RFTN2: variants seen among roughly 807,000 people sequenced by gnomAD.
The protein encoded by RFTN2 is raftlin-2.
RFTN2 carries 34 observed loss-of-function variants against 52.7 expected under a neutral mutation model. That is an observed-to-expected ratio of 0.64 (90% CI 0.49 to 0.86). The LOEUF is 0.86. RFTN2 is among the 40% of genes least tolerant of loss of function. The probability of loss-of-function intolerance (pLI) is 0.00; values close to 1 mark genes in which losing one functional copy is unlikely to be tolerated. For synonymous variants in RFTN2, 203 were observed against 217.7 expected, an observed-to-expected ratio of 0.93 and a Z score of 0.59; for missense variants, 536 against 600.1, an observed-to-expected ratio of 0.89 and a Z score of 1.12.
At chr2:197,630,280 AC>A (rs2088447066) in intron 5 of RFTN2, among the ~76,000 whole-genome samples, 1 of 152,008 alleles carries the variant, frequency 6.6e-6, no homozygotes, top group South Asian at 2.1e-4. Context: ...CTTTCCTCTA[AC>A]CTCATAGATT....
intron 1 of RFTN2, among the ~76,000 whole-genome samples, chr2:197,665,198 G>A (rs897547437): frequency 6.6e-5 from 10 of 152,090 alleles, no homozygotes; most frequent in African/African-American, 2.4e-4. Flanking sequence ...TGGTGGTGGG[G>A]GGAGCAGTGA....
At chr2:197,591,825 C>T (rs185423164) in intron 8 of RFTN2, among the ~76,000 whole-genome samples, 74 of 152,038 alleles carry the variant, frequency 4.9e-4, no homozygotes, top group African/African-American at 1.6e-3. Context: ...TGGGGCCAGC[C>T]GGCCGCTCTG....
intron 7 of RFTN2, among the ~76,000 whole-genome samples, chr2:197,599,544 T>C (rs1221561547): frequency 6.6e-6 from 1 of 151,668 alleles, no homozygotes; most frequent in Non-Finnish European, 1.5e-5. Context: ...AAAGGCTCGG[T>C]GGGTTGGAGG....
chr2:197,585,646 G>A (rs2087584191), intron 8 of RFTN2, among the ~76,000 whole-genome samples: 1 of 152,008 alleles, frequency 6.6e-6, no homozygotes, highest in Non-Finnish European at 1.5e-5. Context: ...GCGAACAATT[G>A]CTGGCTTTGC....
In RFTN2 at chr2:197,633,716, A is replaced by G; in HGVS notation, c.718+2T>C. ...TCTCTTTCTACTAATCTTGTCTATT[A>G]CCTTCTCCCTTTCTTGATTTAGAGG... On this transcript the variant is annotated splice_donor_variant, in intron 4 of 8. Transcript: ENST00000295049. LOFTEE classifies it high-confidence loss of function. The G allele has an allele frequency of 3.1e-6, 5 of 1,611,728 alleles. No homozygotes were observed. Among genetic ancestry groups the G allele is most frequent in the Non-Finnish European group, 4.2e-6 (5 of 1,178,286 alleles).
chr2:197,605,693 T>C (rs2087950947), intron 7 of RFTN2, among the ~76,000 whole-genome samples: 1 of 152,228 alleles, frequency 6.6e-6, no homozygotes, highest in African/African-American at 2.4e-5. Flanking sequence ...ACATCACTAA[T>C]TGAATGCCAC....
intron 7 of RFTN2, among the ~76,000 whole-genome samples, chr2:197,596,482 C>T (rs2106188355): frequency 6.6e-6 from 1 of 152,250 alleles, no homozygotes; most frequent in East Asian, 1.9e-4. Context: ...CTTGTTTGTA[C>T]ACTGTAATCC....
chr2:197,654,510 A>G (rs1039528305), intron 1 of RFTN2, among the ~76,000 whole-genome samples: 2 of 152,078 alleles, frequency 1.3e-5, no homozygotes, highest in Non-Finnish European at 2.9e-5. Flanking sequence ...AAAAGGGCAT[A>G]CTCTTCTGTT....
intron 6 of RFTN2, among the ~76,000 whole-genome samples, chr2:197,617,454 T>C (rs140517063): frequency 6.6e-6 from 1 of 152,276 alleles, no homozygotes; most frequent in Non-Finnish European, 1.5e-5. Context: ...GCACTGAAGA[T>C]CTTTAACATG....
At chr2:197,592,475 G>A (rs1480715911) in intron 8 of RFTN2, among the ~76,000 whole-genome samples, 2 of 152,178 alleles carry the variant, frequency 1.3e-5, no homozygotes, top group African/African-American at 2.4e-5. Flanking sequence ...GATTACAGGC[G>A]TGAGCCACTG....
intron 1 of RFTN2, among the ~76,000 whole-genome samples, chr2:197,659,476 A>AT (rs1559366964): frequency 1.7e-5 from 1 of 57,940 alleles, no homozygotes; most frequent in African/African-American, 9.3e-5. Context: ...ACTCCATCTC[A>AT]TAAAAAAAAA....
intron 8 of RFTN2, among the ~76,000 whole-genome samples, chr2:197,584,688 C>T (rs2087567705): frequency 6.6e-6 from 1 of 152,158 alleles, no homozygotes; most frequent in African/African-American, 2.4e-5. Context: ...CTGGACAGTA[C>T]TTCTACCTCT....
intron 8 of RFTN2, among the ~76,000 whole-genome samples, chr2:197,586,436 G>A (rs1478533305): frequency 6.6e-6 from 1 of 152,120 alleles, no homozygotes; most frequent in Non-Finnish European, 1.5e-5. Flanking sequence ...TGCATTTCCA[G>A]TTTTGCTTTA....
At position 197,586,920 on chromosome 2, in the gene RFTN2, TA is replaced by T. The variant is rs572078054; in HGVS notation, c.1233+9070del. Among the ~76,000 whole-genome samples the T allele has an allele frequency of 2.6e-3, 400 of 152,172 alleles. 5 individuals are homozygous for T. The highest frequency in any genetic ancestry group is 9.3e-3 in the African/African-American group (384 of 41,508). On this transcript the variant is annotated intron_variant, in intron 8 of 8. Coordinates refer to ENST00000295049, the MANE Select transcript of RFTN2 (RefSeq NM_144629.3). The stretch of plus-strand genomic sequence containing the variant: ...CAATCTGGCCTGGTGTAAGACAACA[TA>T]AAAAAACTCAAGGATAGAGCACCAA...
At chr2:197,662,146 T>C (rs981308601) in intron 1 of RFTN2, among the ~76,000 whole-genome samples, 8 of 152,346 alleles carry the variant, frequency 5.3e-5, no homozygotes, top group African/African-American at 1.7e-4. Context: ...ATAATCCTAT[T>C]TGTCTATTTT....
At chr2:197,647,371 G>T (rs1217606950) in intron 1 of RFTN2, among the ~76,000 whole-genome samples, 1 of 151,928 alleles carries the variant, frequency 6.6e-6, no homozygotes, top group Non-Finnish European at 1.5e-5. Flanking sequence ...CACCACACCC[G>T]GCTGAGTTTT....
At chr2:197,641,098 G>T (rs1239223701) in intron 3 of RFTN2, among the ~76,000 whole-genome samples, 1 of 152,178 alleles carries the variant, frequency 6.6e-6, no homozygotes, top group African/African-American at 2.4e-5. Context: ...GGGAGGAGAA[G>T]AAAGAAAAAG....
intron 4 of RFTN2, 131 bp downstream of exon 4, chr2:197,633,587 G>T: frequency 1.4e-6 from 1 of 729,522 alleles, no homozygotes; most frequent in Non-Finnish European, 2.2e-6. Flanking sequence ...AAAATCATGA[G>T]GTTTTTATTA....
intron 1 of RFTN2, among the ~76,000 whole-genome samples, chr2:197,672,864 G>A (rs1366766494): frequency 6.6e-6 from 1 of 151,998 alleles, no homozygotes; most frequent in Non-Finnish European, 1.5e-5. Context: ...GGAAGGGAGA[G>A]GGAGAGAGAC....
Sources: allele counts gnomAD v4.1 joint callset (sites outside exome capture counted in the v4.1 genomes callset), GRCh38; gene constraint gnomAD v4.1.1; transcripts MANE v1.5; gene names NCBI Gene and HGNC (gene_info 2026-07-23, HGNC 2026-07-21).